GMDS: variants seen among roughly 807,000 people sequenced by gnomAD.
GMDS encodes GDP-mannose 4,6-dehydratase.
A neutral mutation model predicts 49.9 loss-of-function variants in GMDS; 20 were observed. That is an observed-to-expected ratio of 0.40 (90% CI 0.28 to 0.58). The LOEUF (loss-of-function observed/expected upper bound fraction) is 0.58. Among genes scored for constraint, GMDS ranks in the 20% least tolerant of loss-of-function variants. The pLI, the probability that GMDS is intolerant of heterozygous loss-of-function variation, is 0.42. For synonymous variants in GMDS, 177 were observed against 178.6 expected, an observed-to-expected ratio of 0.99 and a Z score of 0.07; for missense variants, 362 against 481.4, an observed-to-expected ratio of 0.75 and a Z score of 2.32.
intron 4 of GMDS, among the ~76,000 whole-genome samples, chr6:1,988,156 T>C (rs993886268): frequency 6.6e-6 from 1 of 152,196 alleles, no homozygotes; most frequent in Non-Finnish European, 1.5e-5. Flanking sequence ...TTCTGTGCAA[T>C]TTAACACCAA....
intron 7 of GMDS, among the ~76,000 whole-genome samples, chr6:1,840,459 G>C (rs1228894043): frequency 6.6e-6 from 1 of 152,196 alleles, no homozygotes; most frequent in African/African-American, 2.4e-5. Flanking sequence ...GCTTGTGCAA[G>C]TAAAAAGAAG....
intron 1 of GMDS, among the ~76,000 whole-genome samples, chr6:2,175,711 CT>C (rs1778250554): frequency 2.6e-5 from 4 of 152,356 alleles, no homozygotes; most frequent in Non-Finnish European, 2.9e-5. Flanking sequence ...GGCAGATACA[CT>C]GCCCCTCTCA....
chr6:2,102,523 G>A (rs970916534), intron 4 of GMDS, among the ~76,000 whole-genome samples: 6 of 152,236 alleles, frequency 3.9e-5, no homozygotes, highest in South Asian at 4.1e-4. Flanking sequence ...AATACTGTCC[G>A]TTTAATGAAA....
chr6:1,629,710 C>T (rs968188177), intron 9 of GMDS, among the ~76,000 whole-genome samples: 6 of 152,200 alleles, frequency 3.9e-5, no homozygotes, highest in African/African-American at 7.2e-5. Flanking sequence ...TCCGGACGTG[C>T]GGTCCAGTCC....
At chr6:2,199,815 T>C (rs1779427334) in intron 1 of GMDS, among the ~76,000 whole-genome samples, 1 of 152,180 alleles carries the variant, frequency 6.6e-6, no homozygotes, top group Non-Finnish European at 1.5e-5. Flanking sequence ...TGTTAACCAC[T>C]TTTCAGCAGT....
intron 4 of GMDS, among the ~76,000 whole-genome samples, chr6:2,053,950 C>T (rs924052517): frequency 6.6e-6 from 1 of 152,092 alleles, no homozygotes; most frequent in African/African-American, 2.4e-5. Context: ...GAGTTGTTAG[C>T]AGGTCAAATG....
chr6:2,047,379 T>C (rs1257801629), intron 4 of GMDS, among the ~76,000 whole-genome samples: 1 of 152,234 alleles, frequency 6.6e-6, no homozygotes, highest in Non-Finnish European at 1.5e-5. Context: ...ACTACTGGGG[T>C]CACTGAGGAG....
chr6:1,972,588 G>A (rs913971962), intron 4 of GMDS, among the ~76,000 whole-genome samples: 1 of 152,000 alleles, frequency 6.6e-6, no homozygotes, highest in Non-Finnish European at 1.5e-5. Flanking sequence ...ACACAGATTT[G>A]GATTAAAAAA....
intron 4 of GMDS, among the ~76,000 whole-genome samples, chr6:2,020,917 T>C (rs1243855482): frequency 6.6e-6 from 1 of 152,236 alleles, no homozygotes; most frequent in East Asian, 1.9e-4. Context: ...GCGCTGCATA[T>C]GTGCTTATCT....
At chr6:2,155,339 A>T (rs534285460) in intron 1 of GMDS, among the ~76,000 whole-genome samples, 1 of 152,282 alleles carries the variant, frequency 6.6e-6, no homozygotes, top group Admixed American at 6.5e-5. Context: ...TTCCCCAATA[A>T]TTAATTTTAA....
At chr6:2,014,123 C>T (rs944071804) in intron 4 of GMDS, among the ~76,000 whole-genome samples, 2 of 135,316 alleles carry the variant, frequency 1.5e-5, no homozygotes, top group East Asian at 2.4e-4. Context: ...TCCCCCCCCC[C>T]CAAAAAAATA....
intron 4 of GMDS, among the ~76,000 whole-genome samples, chr6:1,974,603 C>A (rs768190337): frequency 1.3e-5 from 2 of 152,222 alleles, no homozygotes; most frequent in South Asian, 4.1e-4. Context: ...TATCAAGGAG[C>A]CTCTTGATCT....
chr6:1,743,213 G>A (rs1767343786), intron 7 of GMDS, among the ~76,000 whole-genome samples: 1 of 152,134 alleles, frequency 6.6e-6, no homozygotes, highest in South Asian at 2.1e-4. Context: ...AGAGTTAATG[G>A]GTTCATAAGG....
chr6:2,196,816 G>A (rs1365248783), intron 1 of GMDS, among the ~76,000 whole-genome samples: 1 of 142,874 alleles, frequency 7.0e-6, no homozygotes, highest in Non-Finnish European at 1.5e-5. Flanking sequence ...GGGACTCTTG[G>A]GGTGATCAAG....
At chr6:2,196,419 T>G (rs1779277694) in intron 1 of GMDS, among the ~76,000 whole-genome samples, 1 of 152,232 alleles carries the variant, frequency 6.6e-6, no homozygotes, top group Admixed American at 6.5e-5. Context: ...ACAAGTCTAC[T>G]TGGAAGCACT....
chr6:1,751,478 G>A (rs1411899114), intron 7 of GMDS, among the ~76,000 whole-genome samples: 1 of 152,218 alleles, frequency 6.6e-6, no homozygotes, highest in African/African-American at 2.4e-5. Flanking sequence ...CTGCAGCAGA[G>A]GGACCTGTTT....
intron 9 of GMDS, among the ~76,000 whole-genome samples, chr6:1,644,954 G>A (rs1198066216): frequency 2.7e-5 from 4 of 145,470 alleles, no homozygotes; most frequent in African/African-American, 5.1e-5. Context: ...TTTTTTAAAC[G>A]AGACGGAGTC....
At chr6:1,723,173 C>A (rs1024311855) in intron 9 of GMDS, among the ~76,000 whole-genome samples, 1 of 151,652 alleles carries the variant, frequency 6.6e-6, no homozygotes, top group South Asian at 2.1e-4. Context: ...CAAGCTAGTA[C>A]CTGCCTTTGC....
chr6:1,697,236 TAA>T (rs1478589419), intron 9 of GMDS, among the ~76,000 whole-genome samples: 3 of 152,200 alleles, frequency 2.0e-5, no homozygotes, highest in Non-Finnish European at 4.4e-5. Flanking sequence ...CCCCAAACTC[TAA>T]GTGTCCTGTG....
Sources: allele counts gnomAD v4.1 joint callset (sites outside exome capture counted in the v4.1 genomes callset), GRCh38; gene constraint gnomAD v4.1.1; transcripts MANE v1.5; gene names NCBI Gene and HGNC (gene_info 2026-07-23, HGNC 2026-07-21).